Variants in SLC4A10 observed in about 807,000 individuals in gnomAD.
SLC4A10 encodes sodium-driven chloride bicarbonate exchanger.
SLC4A10 carries 42 observed loss-of-function variants against 137.7 expected under a neutral mutation model. That is an observed-to-expected ratio of 0.30 (90% CI 0.24 to 0.39). The LOEUF is 0.39. SLC4A10 is among the 10% of genes least tolerant of loss of function. The probability of loss-of-function intolerance (pLI) is 1.00; values close to 1 mark genes in which losing one functional copy is unlikely to be tolerated. For missense variants in SLC4A10, 925 were observed against 1,355.0 expected (o/e 0.68, Z 4.98); for synonymous variants, 474 against 464.1 (o/e 1.02, Z -0.27).
At chr2:161,783,384 T>C (rs970692936) in intron 2 of SLC4A10, among the ~76,000 whole-genome samples, 1 of 151,680 alleles carries the variant, frequency 6.6e-6, no homozygotes, top group African/African-American at 2.4e-5. Context: ...TAACTTGAAA[T>C]GAAAGGACAC....
chr2:161,716,061 A>C (rs896524648), intron 1 of SLC4A10, among the ~76,000 whole-genome samples: 1 of 152,018 alleles, frequency 6.6e-6, no homozygotes, highest in South Asian at 2.1e-4. Context: ...TTGTGGTTTT[A>C]ATTTGAATTT....
intron 1 of SLC4A10, among the ~76,000 whole-genome samples, chr2:161,716,675 T>C (rs912418495): frequency 6.6e-6 from 1 of 152,206 alleles, no homozygotes; most frequent in Admixed American, 6.5e-5. Flanking sequence ...GTGTCTGTTT[T>C]TGTACCAATA....
At chr2:161,908,711 A>G (rs1054638056) in intron 15 of SLC4A10, among the ~76,000 whole-genome samples, 2 of 152,036 alleles carry the variant, frequency 1.3e-5, no homozygotes, top group Non-Finnish European at 2.9e-5. Context: ...TGCATAGGCC[A>G]GTTGGTGTCA....
chr2:161,625,996 G>T (rs1410724563), intron 1 of SLC4A10, among the ~76,000 whole-genome samples: 1 of 152,094 alleles, frequency 6.6e-6, no homozygotes, highest in African/African-American at 2.4e-5. Context: ...ACGTGTAAAA[G>T]ATTTGTCTAT....
chr2:161,635,154 G>A (rs1048822449), intron 1 of SLC4A10, among the ~76,000 whole-genome samples: 42 of 152,028 alleles, frequency 2.8e-4, no homozygotes, highest in African/African-American at 9.9e-4. Flanking sequence ...AGAAAAATGA[G>A]TGCCCTTTAT....
intron 1 of SLC4A10, among the ~76,000 whole-genome samples, chr2:161,645,988 A>T (rs1451054750): frequency 6.6e-6 from 1 of 152,036 alleles, no homozygotes; most frequent in Non-Finnish European, 1.5e-5. Flanking sequence ...ATTAATGCAC[A>T]TGACTATGAA....
intron 1 of SLC4A10, among the ~76,000 whole-genome samples, chr2:161,707,670 T>C (rs1294839107): frequency 1.3e-5 from 2 of 151,474 alleles, no homozygotes; most frequent in East Asian, 1.9e-4. Flanking sequence ...TGAAAATCCA[T>C]AGTAAAAATG....
chr2:161,892,836 C>G (rs1305013271), intron 10 of SLC4A10, among the ~76,000 whole-genome samples: 1 of 151,406 alleles, frequency 6.6e-6, no homozygotes, highest in Non-Finnish European at 1.5e-5. Context: ...TTTTATTTTC[C>G]CCACTTACTA....
chr2:161,870,788 A>G lies in SLC4A10; in HGVS notation c.767-1505A>G, dbSNP rs576297497. Among the ~76,000 whole-genome samples the G allele has an allele frequency of 2.6e-5, 4 of 152,028 alleles. No individual in the cohort carries two copies. In the East Asian group the frequency reaches 7.7e-4, roughly 29 times the overall value. On this transcript the variant is annotated intron_variant, in intron 6 of 26. Coordinates refer to ENST00000446997, the MANE Select transcript of SLC4A10 (RefSeq NM_001178015.2). ...TGTGTGACATTTATCTGAAGTTTAT[A>G]TATTTCCCTAGAATATGCTATACTC...
At chr2:161,732,274 GCCT>G (rs1359996606) in intron 1 of SLC4A10, among the ~76,000 whole-genome samples, 1 of 152,152 alleles carries the variant, frequency 6.6e-6, no homozygotes, top group Non-Finnish European at 1.5e-5. Flanking sequence ...CTCTAATTCT[GCCT>G]TGGTCTTTCC....
At chr2:161,837,049 A>C (rs55658092) in intron 3 of SLC4A10, among the ~76,000 whole-genome samples, 10,217 of 152,228 alleles carry the variant, frequency 0.067, 442 homozygotes, top group East Asian at 0.17. Flanking sequence ...CCCTGTGACC[A>C]GGAACAAAGT....
intron 4 of SLC4A10, among the ~76,000 whole-genome samples, chr2:161,844,005 G>C (rs1290543491): frequency 6.6e-6 from 1 of 152,022 alleles, no homozygotes; most frequent in Non-Finnish European, 1.5e-5. Flanking sequence ...CATATGAAGA[G>C]ACTAATGAAA....
At chr2:161,902,614 C>T (rs1329554430) in intron 12 of SLC4A10, among the ~76,000 whole-genome samples, 3 of 152,128 alleles carry the variant, frequency 2.0e-5, no homozygotes, top group African/African-American at 4.8e-5. Flanking sequence ...TCATTCTTCT[C>T]AACCCTCTCC....
chr2:161,812,869 C>T (rs889284945), intron 3 of SLC4A10, among the ~76,000 whole-genome samples: 1 of 152,020 alleles, frequency 6.6e-6, no homozygotes, highest in African/African-American at 2.4e-5. Context: ...GTATCCTTTT[C>T]CTCTGTAGTT....
chr2:161,729,386 A>G (rs1205164192), intron 1 of SLC4A10, among the ~76,000 whole-genome samples: 1 of 152,154 alleles, frequency 6.6e-6, no homozygotes, highest in Non-Finnish European at 1.5e-5. Flanking sequence ...ACATACAAAA[A>G]AGTGTGTTCA....
intron 23 of SLC4A10, among the ~76,000 whole-genome samples, chr2:161,971,568 G>T (rs1698541684): frequency 6.6e-6 from 1 of 152,202 alleles, no homozygotes. Flanking sequence ...TACTCAGTTA[G>T]CTTTATGCTC....
chr2:161,799,888 G>C (rs761428547), intron 2 of SLC4A10, among the ~76,000 whole-genome samples: 1 of 151,844 alleles, frequency 6.6e-6, no homozygotes, highest in Non-Finnish European at 1.5e-5. Context: ...AATTTATATA[G>C]GAATTACTAT....
At chr2:161,887,014 T>A (rs2062379109) in intron 10 of SLC4A10, among the ~76,000 whole-genome samples, 1 of 151,996 alleles carries the variant, frequency 6.6e-6, no homozygotes, top group East Asian at 1.9e-4. Flanking sequence ...ATTGTTCAAC[T>A]CCCACTTATA....
At chr2:161,765,464 G>A (rs192828516) in intron 1 of SLC4A10, among the ~76,000 whole-genome samples, 5 of 151,978 alleles carry the variant, frequency 3.3e-5, no homozygotes, top group Admixed American at 2.0e-4. Flanking sequence ...AAAATTAGCC[G>A]GGCATGGTGG....
Sources: allele counts gnomAD v4.1 joint callset (sites outside exome capture counted in the v4.1 genomes callset), GRCh38; gene constraint gnomAD v4.1.1; transcripts MANE v1.5; gene names NCBI Gene and HGNC (gene_info 2026-07-23, HGNC 2026-07-21).